VPS28: variants seen among roughly 807,000 people sequenced by gnomAD.
The protein encoded by VPS28 is vacuolar protein sorting-associated protein 28 homolog.
In VPS28, 29 loss-of-function variants were observed where a neutral mutation model predicts 33.7. The ratio of observed to expected loss-of-function variants is 0.86; its 90% CI spans 0.64 to 1.17. The LOEUF (loss-of-function observed/expected upper bound fraction) is 1.17, where lower values mean the gene tolerates loss of function less well. VPS28 is among the 50% of genes most tolerant of loss of function. The probability of loss-of-function intolerance (pLI) is 0.00; values close to 1 mark genes in which losing one functional copy is unlikely to be tolerated. For synonymous variants in VPS28, 164 were observed against 116.7 expected, an observed-to-expected ratio of 1.40 and a Z score of -2.61; for missense variants, 247 against 312.2, an observed-to-expected ratio of 0.79 and a Z score of 1.57.
Position 144,424,798 on chromosome 8 carries a change from C to T in VPS28, c.322G>A (p.Glu108Lys). Residue 108 changes from glutamate to lysine, a missense_variant, in exon 7 of 10, where the codon GAG becomes AAG. By Grantham distance (56) the Glu-to-Lys change is moderately conservative. This residue lies in a region of VPS28 where 149 missense variants were observed against 172.8 expected (regional missense o/e 0.86). Transcript: ENST00000292510. ...KFRLDCPLAMERIKEDRPITI... is the reference protein window; with the variant it reads ...KFRLDCPLAMKRIKEDRPITI... ...ATGGGCCGGTCCTCCTTGATCCGCTCCATGGCCAGCGGGCAGTCCAGCTGT... is the reference window on the plus strand; with the variant it reads ...ATGGGCCGGTCCTCCTTGATCCGCTTCATGGCCAGCGGGCAGTCCAGCTGT... The T allele has an allele frequency of 6.2e-7, 1 of 1,613,892 alleles. No individual in the cohort carries two copies. The highest frequency in any genetic ancestry group is 8.5e-7 in the Non-Finnish European group (1 of 1,180,000).
intron 5 of VPS28, chr8:144,425,267 C>T: frequency 1.7e-6 from 1 of 599,280 alleles, no homozygotes. Context: ...AGACCCCGGC[C>T]CCCAACCCCT....
Position 144,426,077 on chromosome 8 carries a change from C to A in VPS28, c.67-14G>T. On this transcript the variant is annotated splice_polypyrimidine_tract_variant and intron_variant, in intron 3 of 9. Coordinates refer to ENST00000292510, the MANE Select transcript of VPS28 (RefSeq NM_016208.4). ...CAACTTCACTTCCTGCCGGAGAGAG[C>A]GGGCTCTGTGGGCCAGTGCCAACAG... 6.5e-7 allele frequency: 1 copy of A among 1,549,538 alleles called. No homozygotes were observed. The highest frequency in any genetic ancestry group is 8.7e-7 in the Non-Finnish European group (1 of 1,144,138).
intron 6 of VPS28, 55 bp from the exon 7 acceptor site, chr8:144,424,874 C>T (rs1822617352): frequency 6.2e-7 from 1 of 1,612,570 alleles, no homozygotes; most frequent in Non-Finnish European, 8.5e-7. Context: ...CCCAGGTGGC[C>T]AGAGCCCTCT....
Position 144,425,116 on chromosome 8 carries a change from G to A in VPS28, c.195-65C>T, listed in dbSNP as rs781980717. 9.3e-4 allele frequency: 1,340 copies of A among 1,448,456 alleles called. 2 individuals are homozygous for A. The highest frequency in any genetic ancestry group is 1.2e-3 in the Non-Finnish European group (1,279 of 1,056,000). 89.7% of individuals were successfully genotyped at this position (1,448,456 alleles called of 1,614,324 possible). On this transcript the variant is annotated intron_variant, in intron 5 of 9. Transcript: ENST00000292510. ...CCCACCCAGCTCATCCTACCCCCTC[G>A]GCTGGTCCAGAGGCAAAGCAGCTTC...
At chr8:144,425,648 G>T in intron 5 of VPS28, 35 bp downstream of exon 5, 1 of 1,610,526 alleles carries the variant, frequency 6.2e-7, no homozygotes. Flanking sequence ...AGCCCCCCAG[G>T]GCAGGAACAG....
In VPS28 at chr8:144,425,780, C is replaced by A. The variant is rs1554876564; in HGVS notation, c.105-8G>T. Reference sequence around the variant, plus strand: ...TCTGCCATGTTGTCGTACCTGAGGACACACCTGTCTATCGGGCCAGGCCCC... The same window carrying A: ...TCTGCCATGTTGTCGTACCTGAGGAAACACCTGTCTATCGGGCCAGGCCCC... On this transcript the variant is annotated splice_polypyrimidine_tract_variant and splice_region_variant and intron_variant, in intron 4 of 9. Coordinates refer to ENST00000292510, the MANE Select transcript of VPS28 (RefSeq NM_016208.4). 5 of 1,613,692 alleles carry A rather than the reference C, an allele frequency of 3.1e-6. No individual in the cohort carries two copies. Among genetic ancestry groups the A allele is most frequent in the Non-Finnish European group, 4.2e-6 (5 of 1,179,900 alleles).
intron 5 of VPS28, chr8:144,425,262 C>G: frequency 1.7e-6 from 1 of 599,416 alleles, no homozygotes; most frequent in Non-Finnish European, 3.0e-6. Context: ...GGTGGAGACC[C>G]CGGCCCCCAA....
At chr8:144,425,989 A>G in intron 4 of VPS28, 37 bp downstream of exon 4, 1 of 1,481,798 alleles carries the variant, frequency 6.7e-7, no homozygotes, top group Non-Finnish European at 9.0e-7. Context: ...CCAGATGCGC[A>G]TGGGTGTGTT....
At chr8:144,424,350 G>A (rs890901119) in intron 7 of VPS28, 82 bp from the exon 8 acceptor site, 14 of 1,499,418 alleles carry the variant, frequency 9.3e-6, no homozygotes, top group Middle Eastern at 2.5e-4. Flanking sequence ...CCCCTCCTCA[G>A]CCACAGCTGT....
chr8:144,426,960 G>A lies in VPS28; in HGVS notation c.-15C>T, dbSNP rs532984905. 1.2e-6 allele frequency: 2 copies of A among 1,612,062 alleles called. No homozygotes were observed. The highest frequency in any genetic ancestry group is 2.2e-5 in the East Asian group (1 of 44,842). On this transcript the variant is annotated 5_prime_UTR_variant, in exon 2 of 10. Transcript: ENST00000292510. ...CCATGAAACATCCTCTAGGCTCTGG[G>A]GGGGGCACAGCACTGAGACCTGGGG...
chr8:144,428,178 C>A (rs1406340945), intron 1 of VPS28, among the ~76,000 whole-genome samples: 2 of 152,128 alleles, frequency 1.3e-5, no homozygotes, highest in Non-Finnish European at 2.9e-5. Context: ...GGGTGGGGAC[C>A]GAGGCTGCTC....
intron 2 of VPS28, 115 bp downstream of exon 2, chr8:144,426,794 A>G (rs1554876900): frequency 8.3e-7 from 1 of 1,211,222 alleles, no homozygotes; most frequent in East Asian, 2.6e-5. Flanking sequence ...GCCACCCCCA[A>G]GGCTGTACGA....
rs782367676 is a variant in VPS28 at position 144,423,774 on chromosome 8, G to A, written c.*31C>T. ...ACCAGGAGCCATCGCCTCAGACTCT[G>A]CCCTTCTGTGCAAGGGCTAGTGCCC... On this transcript the variant is annotated 3_prime_UTR_variant, in exon 10 of 10. Transcript: ENST00000292510. 1.9e-6 allele frequency: 3 copies of A among 1,612,764 alleles called. No individual in the cohort carries two copies. Among genetic ancestry groups the A allele is most frequent in the Admixed American group, 3.3e-5 (2 of 60,008 alleles).
At position 144,423,829 on chromosome 8, in the gene VPS28, G is replaced by A. The variant is rs1554875798; in HGVS notation, c.642C>T (p.Ala214=). The change falls in exon 10 of 10, where the codon GCC becomes GCT. Residue 214 remains alanine (A), a synonymous_variant. Transcript: ENST00000292510. ...MLFDLESAYN[A]FNRFLHA ...CTCAGGCATGCAGGAAGCGGTTGAAGGCGTTGTAGGCTGACTCCAGGTCGA... is the reference window on the plus strand; with the variant it reads ...CTCAGGCATGCAGGAAGCGGTTGAAAGCGTTGTAGGCTGACTCCAGGTCGA... 1.2e-6 allele frequency: 2 copies of A among 1,613,142 alleles called. No homozygotes were observed. The highest frequency in any genetic ancestry group is 1.7e-6 in the Non-Finnish European group (2 of 1,180,038).
chr8:144,425,611 C>T (rs1822675677), intron 5 of VPS28, 72 bp downstream of exon 5: 6 of 1,534,898 alleles, frequency 3.9e-6, no homozygotes, highest in Non-Finnish European at 5.4e-6. Flanking sequence ...TGACAGACGC[C>T]TGCTCTTGCT....
chr8:144,424,942 TCA>T lies in VPS28; in HGVS notation c.300+2_300+3del. Reference sequence around the variant, plus strand: ...CCATGGGGGTGGAAGGACCAGGCACTCACGCGGAACTTGCGGCAGAATTCGTC... The same window carrying T: ...CCATGGGGGTGGAAGGACCAGGCACTCGCGGAACTTGCGGCAGAATTCGTC... On this transcript the variant is annotated splice_donor_variant and splice_donor_region_variant and intron_variant, in intron 6 of 9. Coordinates refer to ENST00000292510, the MANE Select transcript of VPS28 (RefSeq NM_016208.4). LOFTEE classifies it high-confidence loss of function. 6.3e-7 allele frequency: 1 copy of T among 1,587,046 alleles called. No homozygotes were observed. Among genetic ancestry groups the T allele is most frequent in the East Asian group, 2.3e-5 (1 of 43,630 alleles).
chr8:144,425,731 A>G lies in VPS28; in HGVS notation c.146T>C (p.Met49Thr). Residue 49 changes from methionine (M) to threonine (T), a missense_variant, in exon 5 of 10, where the codon ATG (methionine) becomes ACG (threonine). Physicochemically the swap from Met to Thr is moderately conservative, Grantham distance 81 (BLOSUM62 -1). Around this residue, in one of 3 missense-constraint regions of VPS28, gnomAD observed 149 missense variants for 172.8 expected, o/e 0.86. Coordinates refer to ENST00000292510, the MANE Select transcript of VPS28 (RefSeq NM_016208.4). ...MAELFAVVKT[M>T]QALEKAYIKD... ...GATGTAGGCCTTCTCCAGGGCTTGC[A>G]TTGTCTTCACCACCGCAAACAGCTC... 2.5e-6 allele frequency: 4 copies of G among 1,613,804 alleles called. No individual in the cohort carries two copies. The highest frequency in any genetic ancestry group is 2.2e-5 in the East Asian group (1 of 44,868).
chr8:144,426,994 C>G lies in VPS28; in HGVS notation c.-34-15G>C. 2 of 1,602,896 alleles carry G rather than the reference C, an allele frequency of 1.2e-6. No individual in the cohort carries two copies. Among genetic ancestry groups the G allele is most frequent in the South Asian group, 1.1e-5 (1 of 89,986 alleles). On this transcript the variant is annotated splice_polypyrimidine_tract_variant and intron_variant, in intron 1 of 9. Transcript: ENST00000292510. ...AGCACTGAGACCTGGGGAGCAGAGC[C>G]AGGGCCGACTCAAAGATGGCCCCTA...
chr8:144,426,281 C>T, intron 2 of VPS28, 73 bp from the exon 3 acceptor site: 1 of 1,479,640 alleles, frequency 6.8e-7, no homozygotes, highest in African/African-American at 1.4e-5. Flanking sequence ...TCCCAGTCTC[C>T]ATTTCAGTTC....
Sources: allele counts gnomAD v4.1 joint callset (sites outside exome capture counted in the v4.1 genomes callset), GRCh38; gene constraint gnomAD v4.1.1; regional missense constraint gnomAD v4.1.1; transcripts MANE v1.5; gene names NCBI Gene and HGNC (gene_info 2026-07-23, HGNC 2026-07-21).